Variants in HNRNPDL observed in about 807,000 individuals in gnomAD.
HNRNPDL encodes the protein heterogeneous nuclear ribonucleoprotein D like.
In HNRNPDL, 18 loss-of-function variants were observed where a neutral mutation model predicts 48.0. The observed-to-expected ratio is 0.38, with a 90% confidence interval of 0.26 to 0.56. The LOEUF is 0.56. Among genes scored for constraint, HNRNPDL ranks in the 20% least tolerant of loss-of-function variants. The pLI, the probability that HNRNPDL is intolerant of heterozygous loss-of-function variation, is 0.77. For missense variants in HNRNPDL, 553 were observed against 540.7 expected (o/e 1.02, Z -0.23); for synonymous variants, 306 against 207.3 (o/e 1.48, Z -4.09).
rs1420298484 is a variant in HNRNPDL at position 82,422,639 on chromosome 4, A to G, written c.*2267T>C. The G allele has an allele frequency of 6.6e-6, 1 of 152,264 alleles. No homozygotes were observed. The highest frequency in any genetic ancestry group is 2.4e-5 in the African/African-American group (1 of 41,470). The allele number at this position is 152,264 out of a possible 1,614,324, so 9.4% of individuals were successfully genotyped here. On this transcript the variant is annotated 3_prime_UTR_variant, in exon 8 of 8. Transcript: ENST00000295470. ...AGATTACAGATTAACATGTTAACCA[A>G]AGAAATTACTAAGGTGTTTTGTTAG...
At position 82,427,227 on chromosome 4, in the gene HNRNPDL, T is replaced by C; in HGVS notation, c.984A>G (p.Ala328=). Reference sequence around the variant, plus strand: ...CCCTCGTACCACCTCGTCCACCAGCTGCAGCACCTCTTCCACCTTTTTGTT... The same window carrying C: ...CCCTCGTACCACCTCGTCCACCAGCCGCAGCACCTCTTCCACCTTTTTGTT... The part of the protein sequence containing the change: ...QQQQKGGRGA[A]AGGRGGTRGR... The change falls in exon 5 of 8, where the codon GCA becomes GCG. Residue 328 remains alanine (A), a synonymous_variant. Coordinates refer to ENST00000295470, the MANE Select transcript of HNRNPDL (RefSeq NM_031372.4). 6.2e-7 allele frequency: 1 copy of C among 1,613,936 alleles called. No individual in the cohort carries two copies. Among genetic ancestry groups the C allele is most frequent in the South Asian group, 1.1e-5 (1 of 91,058 alleles).
In HNRNPDL at chr4:82,429,350, G is replaced by A. The variant is rs376898265; in HGVS notation, c.341C>T (p.Ala114Val). 1.9e-6 allele frequency: 3 copies of A among 1,613,564 alleles called. No individual in the cohort carries two copies. Among genetic ancestry groups the A allele is most frequent in the African/African-American group, 1.3e-5 (1 of 74,794 alleles). ...ATCCTCCATAGTGACGGAGCTGTCG[G>A]CAGGGGGGTGCTGGCGCGCAGTCCG... ...ATRTARQHPP[A>V]DSSVTMEDMN... The change falls in exon 1 of 8, where the codon GCC becomes GTC. Residue 114 changes from alanine (A) to valine (V), a missense_variant. Physicochemically the swap from Ala to Val is moderately conservative, Grantham distance 64. Coordinates refer to ENST00000295470, the MANE Select transcript of HNRNPDL (RefSeq NM_031372.4).
rs1436171333 is a variant in HNRNPDL at position 82,423,385 on chromosome 4, A to T, written c.*1521T>A. The T allele has an allele frequency of 1.3e-5, 2 of 152,234 alleles. No individual in the cohort carries two copies. The highest frequency in any genetic ancestry group is 3.8e-4 in the East Asian group (2 of 5,204). 9.4% of individuals were successfully genotyped at this position (152,234 alleles called of 1,614,324 possible). On this transcript the variant is annotated 3_prime_UTR_variant, in exon 8 of 8. Transcript: ENST00000295470. The stretch of plus-strand genomic sequence containing the variant: ...TTCCCTAAAGTTGCATGTTGAATGA[A>T]CAGAATCCCTTCTAACAGCCAACAT...
At chr4:82,424,956 T>C (rs939783486) in intron 7 of HNRNPDL, 73 bp from the exon 8 acceptor site, 9 of 152,176 alleles carry the variant, frequency 5.9e-5, no homozygotes, top group Non-Finnish European at 1.0e-4. Flanking sequence ...CTTTCATGAA[T>C]TGTTTTAAGT....
At chr4:82,427,683 T>C (rs1721474615) in intron 3 of HNRNPDL, 119 bp from the exon 4 acceptor site, 6 of 873,324 alleles carry the variant, frequency 6.9e-6, no homozygotes, top group Middle Eastern at 3.4e-4. Flanking sequence ...GTGACTTCTA[T>C]ACAGACATCA....
Position 82,430,028 on chromosome 4 carries a change from C to A in HNRNPDL, c.-338G>T, listed in dbSNP as rs1022238612. On this transcript the variant is annotated 5_prime_UTR_variant, in exon 1 of 8. Coordinates refer to ENST00000295470, the MANE Select transcript of HNRNPDL (RefSeq NM_031372.4). ...CGGCGCTGGCGACTGAGGCGGCGAG[C>A]GCGCTCGCCCGCCGCGCGCACGCGT... 1.2e-5 allele frequency: 2 copies of A among 168,920 alleles called. No individual in the cohort carries two copies. The highest frequency in any genetic ancestry group is 2.5e-5 in the Non-Finnish European group (2 of 79,340). The allele number at this position is 168,920 out of a possible 1,614,324, so 10.5% of individuals were successfully genotyped here. A position where few individuals can be genotyped will look rare whatever the true frequency, so the allele number is the denominator to read the frequency against.
Position 82,428,052 on chromosome 4 carries a change from T to C in HNRNPDL, c.740A>G (p.Glu247Gly), listed in dbSNP as rs777282036. Residue 247 changes from glutamate to glycine, a missense_variant, in exon 3 of 8, where the codon GAA (glutamate) becomes GGA (glycine). By Grantham distance (98) the Glu-to-Gly change is moderately conservative (BLOSUM62 -2). Coordinates refer to ENST00000295470, the MANE Select transcript of HNRNPDL (RefSeq NM_031372.4). ...GGCTCCAAAATATTCTTTAATTTGT[T>C]CTTCAGAAGTATCCGGGCTCAATCC... is the stretch of plus-strand genomic sequence containing the variant. Reference protein sequence around the residue: ...VGGLSPDTSEEQIKEYFGAFG... With the variant: ...VGGLSPDTSEGQIKEYFGAFG... 2 of 1,614,142 alleles carry C rather than the reference T, an allele frequency of 1.2e-6. No individual in the cohort carries two copies. The highest frequency in any genetic ancestry group is 2.2e-5 in the South Asian group (2 of 91,070).
intron 6 of HNRNPDL, 54 bp from the exon 7 acceptor site, chr4:82,426,183 TACAAAC>T (rs1721399075): frequency 6.3e-6 from 9 of 1,423,426 alleles, no homozygotes; most frequent in Admixed American, 1.7e-5. Flanking sequence ...AAACTTTCTT[TACAAAC>T]ACAAACTATT....
Position 82,429,463 on chromosome 4 carries a change from C to T in HNRNPDL, c.228G>A (p.Lys76=), listed in dbSNP as rs772003613. ...GATCCGGGCGCCGCCTGCGCCCTCC[C>T]TTTATAGCCGCCCCGCCCGCCAATC... is the stretch of plus-strand genomic sequence containing the variant. The part of the protein sequence containing the change: ...PSRLAGGAAI[K]GGRRRRPDLF... Residue 76 remains lysine, a synonymous_variant, in exon 1 of 8, where the codon AAG becomes AAA. Coordinates refer to ENST00000295470, the MANE Select transcript of HNRNPDL (RefSeq NM_031372.4). 8.2e-6 allele frequency: 13 copies of T among 1,594,422 alleles called. No homozygotes were observed. The highest frequency in any genetic ancestry group is 1.1e-5 in the Non-Finnish European group (13 of 1,170,446).
Position 82,427,425 on chromosome 4 carries a change from G to A in HNRNPDL, c.906+8C>T, listed in dbSNP as rs772969505. On this transcript the variant is annotated splice_region_variant and intron_variant, in intron 4 of 7. Coordinates refer to ENST00000295470, the MANE Select transcript of HNRNPDL (RefSeq NM_031372.4). Reference sequence around the variant, plus strand: ...AAATTTTCATTTAAAGTGCTTAAATGGCTTTACCTTCCCAGAACCAATTTG... The same window carrying A: ...AAATTTTCATTTAAAGTGCTTAAATAGCTTTACCTTCCCAGAACCAATTTG... The A allele has an allele frequency of 4.4e-6, 7 of 1,585,484 alleles. No individual in the cohort carries two copies. The African/African-American group carries it at 9.6e-5, about 22-fold the overall frequency.
At chr4:82,428,830 T>C (rs893194734) in intron 1 of HNRNPDL, among the ~76,000 whole-genome samples, 6 of 152,238 alleles carry the variant, frequency 3.9e-5, no homozygotes, top group Non-Finnish European at 8.8e-5. Context: ...TCATAACACG[T>C]TTTGTGAATC....
rs538603579 is a variant in HNRNPDL, at chr4:82,430,402, C to G, written c.-712G>C. 8 of 183,408 alleles carry G rather than the reference C, an allele frequency of 4.4e-5. No homozygotes were observed. The East Asian group carries it at 4.8e-4, about 11-fold the overall frequency. 11.4% of individuals were successfully genotyped at this position (183,408 alleles called of 1,614,324 possible). On this transcript the variant is annotated 5_prime_UTR_variant, in exon 1 of 8. Transcript: ENST00000295470. ...ACGTGCCCCGGGCCTCTCCCGCTCG[C>G]TCAACCTGTCTGCGGAGGGCGCGCT...
At position 82,427,416 on chromosome 4, in the gene HNRNPDL, T is replaced by C; in HGVS notation, c.906+17A>G. On this transcript the variant is annotated intron_variant, in intron 4 of 7. Coordinates refer to ENST00000295470, the MANE Select transcript of HNRNPDL (RefSeq NM_031372.4). ...CAATTATTTAAATTTTCATTTAAAG[T>C]GCTTAAATGGCTTTACCTTCCCAGA... The C allele has an allele frequency of 6.4e-7, 1 of 1,567,624 alleles. No individual in the cohort carries two copies. The highest frequency in any genetic ancestry group is 8.6e-7 in the Non-Finnish European group (1 of 1,161,192).
chr4:82,423,884 T>C lies in HNRNPDL; in HGVS notation c.*1022A>G, dbSNP rs1314950598. On this transcript the variant is annotated 3_prime_UTR_variant, in exon 8 of 8. Coordinates refer to ENST00000295470, the MANE Select transcript of HNRNPDL (RefSeq NM_031372.4). ...TGTAAATATTTAACTACTTAGTTCA[T>C]GCACTGTGTCAAAAACTAGATTTAC... is the stretch of plus-strand genomic sequence containing the variant. 5.3e-5 allele frequency: 8 copies of C among 152,256 alleles called. No individual in the cohort carries two copies. Among genetic ancestry groups the C allele is most frequent in the African/African-American group, 9.6e-5 (4 of 41,464 alleles). 9.4% of individuals were successfully genotyped at this position (152,256 alleles called of 1,614,324 possible). A position where few individuals can be genotyped will look rare whatever the true frequency, so the allele number is the denominator to read the frequency against.
chr4:82,426,977 T>G (rs1012502240), intron 5 of HNRNPDL, among the ~76,000 whole-genome samples: 2 of 152,152 alleles, frequency 1.3e-5, no homozygotes, highest in East Asian at 3.8e-4. Context: ...GTGATGACAC[T>G]AATTGTCAAA....
intron 7 of HNRNPDL, chr4:82,425,182 G>A (rs1578082608): frequency 6.6e-6 from 1 of 152,246 alleles, no homozygotes; most frequent in Non-Finnish European, 1.5e-5. Context: ...CAAGTAAAAT[G>A]CTATCACAAA....
At position 82,423,613 on chromosome 4, in the gene HNRNPDL, G is replaced by A. The variant is rs1207797770; in HGVS notation, c.*1293C>T. 1.3e-5 allele frequency: 2 copies of A among 152,116 alleles called. No homozygotes were observed. The highest frequency in any genetic ancestry group is 6.6e-5 in the Admixed American group (1 of 15,266). The allele number at this position is 152,116 out of a possible 1,614,324, so 9.4% of individuals were successfully genotyped here. A position where few individuals can be genotyped will look rare whatever the true frequency, so the allele number is the denominator to read the frequency against. ...TTGTGTGAGATCAACTACTCTGCCT[G>A]TGAACACGTATGCCAATCCCAGTAA... On this transcript the variant is annotated 3_prime_UTR_variant, in exon 8 of 8. Coordinates refer to ENST00000295470, the MANE Select transcript of HNRNPDL (RefSeq NM_031372.4).
At position 82,422,799 on chromosome 4, in the gene HNRNPDL, G is replaced by C. The variant is rs1171401837; in HGVS notation, c.*2107C>G. 6.6e-6 allele frequency: 1 copy of C among 152,146 alleles called. No homozygotes were observed. Among genetic ancestry groups the C allele is most frequent in the Non-Finnish European group, 1.5e-5 (1 of 68,024 alleles). 9.4% of individuals were successfully genotyped at this position (152,146 alleles called of 1,614,324 possible). ...CTCTTCCCGAGGATAACATCACACAGAATTTGGTCTAAACAATGTAAAAGG... is the reference window on the plus strand; with the variant it reads ...CTCTTCCCGAGGATAACATCACACACAATTTGGTCTAAACAATGTAAAAGG... On this transcript the variant is annotated 3_prime_UTR_variant, in exon 8 of 8. Transcript: ENST00000295470.
In HNRNPDL at chr4:82,426,472, C is replaced by T; in HGVS notation, c.1183G>A (p.Asp395Asn). The change falls in exon 6 of 8, where the codon GAC becomes AAC. Residue 395 changes from aspartate to asparagine, a missense_variant. By Grantham distance (23) the Asp-to-Asn change is conservative. Transcript: ENST00000295470. ...AGTTAAATATTCTTACCACTGTAGT[C>T]TGCATATCCCTGTCCATATCCATAG... Reference protein sequence around the residue: ...GNYGYGQGYADYSGQQSTYGK... With the variant: ...GNYGYGQGYANYSGQQSTYGK... The T allele has an allele frequency of 6.2e-7, 1 of 1,609,732 alleles. No individual in the cohort carries two copies. The highest frequency in any genetic ancestry group is 8.5e-7 in the Non-Finnish European group (1 of 1,176,424).
Sources: allele counts gnomAD v4.1 joint callset (sites outside exome capture counted in the v4.1 genomes callset), GRCh38; gene constraint gnomAD v4.1.1; transcripts MANE v1.5; gene names NCBI Gene and HGNC (gene_info 2026-07-23, HGNC 2026-07-21).